FOXP1: variants seen among roughly 807,000 people sequenced by gnomAD.
FOXP1 encodes the protein forkhead box protein P1.
FOXP1 carries 15 observed loss-of-function variants against 98.2 expected under a neutral mutation model. The observed-to-expected ratio is 0.15, with a 90% CI of 0.10 to 0.24. FOXP1 has a LOEUF of 0.24. Among genes scored for constraint, FOXP1 ranks in the 10% least tolerant of loss-of-function variants. The pLI is 1.00. For synonymous variants in FOXP1, 371 were observed against 314.5 expected (o/e 1.18, Z -1.90); for missense variants, 633 against 848.5 (o/e 0.75, Z 3.15).
chr3:71,106,906 T>C (rs1211969338), intron 7 of FOXP1, among the ~76,000 whole-genome samples: 1 of 151,660 alleles, frequency 6.6e-6, no homozygotes, highest in Non-Finnish European at 1.5e-5. Flanking sequence ...TCAGAGTAGC[T>C]GGGACTACAG....
At chr3:71,353,151 A>T (rs2077911168) in intron 4 of FOXP1, among the ~76,000 whole-genome samples, 1 of 152,196 alleles carries the variant, frequency 6.6e-6, no homozygotes, top group African/African-American at 2.4e-5. Context: ...GCACTGAGAG[A>T]CTGCTGAACC....
chr3:71,540,047 C>A (rs1245961675), intron 2 of FOXP1, among the ~76,000 whole-genome samples: 1 of 152,228 alleles, frequency 6.6e-6, no homozygotes, highest in Non-Finnish European at 1.5e-5. Context: ...CTAATCTAGG[C>A]AATAAATATG....
At position 70,959,203 on chromosome 3, in the gene FOXP1, T is replaced by C; in HGVS notation, c.*44A>G. On this transcript the variant is annotated 3_prime_UTR_variant, in exon 21 of 21. Coordinates refer to ENST00000649528, the MANE Select transcript of FOXP1 (RefSeq NM_001349338.3). ...AACTTTTGACGTGTTTTTTTTTTTTTCCTTTTTCCAATCTTCATTCTCGGG... is the reference window on the plus strand; with the variant it reads ...AACTTTTGACGTGTTTTTTTTTTTTCCCTTTTTCCAATCTTCATTCTCGGG... 1 of 1,601,962 alleles carries C rather than the reference T, an allele frequency of 6.2e-7. No homozygotes were observed. Among genetic ancestry groups the C allele is most frequent in the Non-Finnish European group, 8.5e-7 (1 of 1,171,866 alleles).
At chr3:71,158,232 A>G (rs2060947022) in intron 6 of FOXP1, among the ~76,000 whole-genome samples, 1 of 151,916 alleles carries the variant, frequency 6.6e-6, no homozygotes, top group Non-Finnish European at 1.5e-5. Flanking sequence ...GAAAGACAGA[A>G]GAGAGACAGA....
intron 5 of FOXP1, among the ~76,000 whole-genome samples, chr3:71,226,585 C>G (rs2065856623): frequency 6.6e-6 from 1 of 151,994 alleles, no homozygotes; most frequent in African/African-American, 2.4e-5. Flanking sequence ...CTCTCTCCCT[C>G]TCACTCCCTC....
At chr3:71,242,234 G>A (rs1402561233) in intron 5 of FOXP1, among the ~76,000 whole-genome samples, 5 of 152,138 alleles carry the variant, frequency 3.3e-5, no homozygotes, top group Admixed American at 1.3e-4. Context: ...TGTTCAAATC[G>A]TGCTGAGTCA....
At chr3:71,379,529 C>T (rs189869786) in intron 3 of FOXP1, among the ~76,000 whole-genome samples, 198 of 152,048 alleles carry the variant, frequency 1.3e-3, no homozygotes, top group African/African-American at 4.5e-3. Context: ...TTACAGTCCA[C>T]GGGCCAAACC....
At chr3:71,498,580 T>C (rs1289479764) in intron 2 of FOXP1, among the ~76,000 whole-genome samples, 1 of 152,142 alleles carries the variant, frequency 6.6e-6, no homozygotes, top group East Asian at 1.9e-4. Flanking sequence ...TTGAAGAATG[T>C]CTATCCTAAA....
At chr3:71,417,477 A>T (rs1362785056) in intron 3 of FOXP1, among the ~76,000 whole-genome samples, 2 of 152,218 alleles carry the variant, frequency 1.3e-5, no homozygotes, top group Non-Finnish European at 2.9e-5. Context: ...GCAGATGCTA[A>T]GGATGGCAGA....
At chr3:71,109,116 G>A (rs1044358287) in intron 7 of FOXP1, among the ~76,000 whole-genome samples, 4 of 152,202 alleles carry the variant, frequency 2.6e-5, no homozygotes, top group Admixed American at 6.5e-5. Flanking sequence ...ATCTATACCC[G>A]ATTAATGCCT....
chr3:71,365,526 C>T (rs1247466187), intron 3 of FOXP1, among the ~76,000 whole-genome samples: 3 of 150,034 alleles, frequency 2.0e-5, no homozygotes, highest in Non-Finnish European at 4.4e-5. Flanking sequence ...GTGTAGGTAA[C>T]AGTCACCTTA....
intron 6 of FOXP1, among the ~76,000 whole-genome samples, chr3:71,193,075 C>T (rs1576313582): frequency 1.3e-5 from 2 of 152,170 alleles, no homozygotes; most frequent in South Asian, 4.1e-4. Flanking sequence ...GATATCAATT[C>T]CTGATTCTCT....
chr3:71,504,579 C>T (rs2041665149), intron 2 of FOXP1, among the ~76,000 whole-genome samples: 1 of 152,108 alleles, frequency 6.6e-6, no homozygotes, highest in South Asian at 2.1e-4. Flanking sequence ...AAGAAAACAA[C>T]CCGGCTCAGA....
At chr3:71,461,024 T>A (rs1199810526) in intron 3 of FOXP1, among the ~76,000 whole-genome samples, 3 of 152,200 alleles carry the variant, frequency 2.0e-5, no homozygotes, top group Non-Finnish European at 4.4e-5. Context: ...CATCTAGGAA[T>A]TTGTGACTGA....
intron 6 of FOXP1, among the ~76,000 whole-genome samples, chr3:71,156,729 A>G (rs1261231434): frequency 1.3e-5 from 2 of 152,252 alleles, no homozygotes; most frequent in East Asian, 1.9e-4. Context: ...TTTAGTGCCC[A>G]AAGGCTAGTT....
intron 3 of FOXP1, among the ~76,000 whole-genome samples, chr3:71,398,540 CAT>C (rs2081718277): frequency 6.6e-6 from 1 of 152,194 alleles, no homozygotes; most frequent in East Asian, 1.9e-4. Context: ...AACAATAAAA[CAT>C]GTGGCTCATT....
intron 5 of FOXP1, among the ~76,000 whole-genome samples, chr3:71,213,571 C>G (rs559734122): frequency 2.0e-5 from 3 of 152,142 alleles, no homozygotes; most frequent in Admixed American, 2.0e-4. Flanking sequence ...AATCCCAGCA[C>G]TTTTGAGAGG....
At chr3:71,243,511 A>G (rs2067464822) in intron 5 of FOXP1, among the ~76,000 whole-genome samples, 1 of 152,192 alleles carries the variant, frequency 6.6e-6, no homozygotes, top group Non-Finnish European at 1.5e-5. Flanking sequence ...GATGTATTCA[A>G]ATCTGCTTGG....
chr3:71,471,582 T>C (rs2089351411), intron 3 of FOXP1, among the ~76,000 whole-genome samples: 1 of 152,134 alleles, frequency 6.6e-6, no homozygotes, highest in Admixed American at 6.6e-5. Context: ...ACTATAACAA[T>C]GTTCCATTCT....
Sources: gnomAD v4.1 joint callset for allele counts (sites outside exome capture counted in the v4.1 genomes callset) on GRCh38, gnomAD v4.1.1 for gene constraint, MANE v1.5 for transcripts, NCBI Gene and HGNC (gene_info 2026-07-23, HGNC 2026-07-21) for gene names.